Variants in AOPEP observed in about 807,000 individuals in gnomAD.
The protein encoded by AOPEP is aminopeptidase O.
In AOPEP, 77 loss-of-function variants were observed where a neutral mutation model predicts 98.1. The observed-to-expected ratio is 0.78, with a 90% CI of 0.65 to 0.95. AOPEP has a LOEUF of 0.95. Among genes scored for constraint, AOPEP ranks in the 40% least tolerant of loss-of-function variants. The probability of loss-of-function intolerance (pLI) is 0.00; values close to 1 mark genes in which losing one functional copy is unlikely to be tolerated. For missense variants in AOPEP, 1,024 were observed against 1,024.7 expected (o/e 1.00, Z 0.01); for synonymous variants, 346 against 365.3 (o/e 0.95, Z 0.60).
At chr9:94,841,182 TTTTTTTTGAGACGGAGTCTCACTC>T (rs1206432873) in intron 5 of AOPEP, among the ~76,000 whole-genome samples, 1 of 151,258 alleles carries the variant, frequency 6.6e-6, no homozygotes, top group Non-Finnish European at 1.5e-5. Flanking sequence ...TTTTTTTTTT[TTTTTTTTGAGACGGAGTCTCACTC>T]TGTCGCCCAG....
intron 4 of AOPEP, among the ~76,000 whole-genome samples, chr9:94,796,929 T>C (rs937075332): frequency 6.6e-6 from 1 of 152,162 alleles, no homozygotes; most frequent in Non-Finnish European, 1.5e-5. Context: ...GAAACTTGGA[T>C]AAAGTCCAAA....
intron 5 of AOPEP, among the ~76,000 whole-genome samples, chr9:94,823,085 C>A (rs1346617111): frequency 6.6e-6 from 1 of 152,250 alleles, no homozygotes; most frequent in East Asian, 1.9e-4. Context: ...CAACTTCCGC[C>A]TCTTGGGTTC....
the AOPEP span, among the ~76,000 whole-genome samples, chr9:95,134,539 G>A: frequency 8.1e-4 from 124 of 152,340 alleles, 2 homozygotes; most frequent in East Asian, 0.023. Context: ...TGCAGATTAC[G>A]AAAGCTAAAG....
At chr9:94,939,943 T>C (rs1420159650) in intron 7 of AOPEP, among the ~76,000 whole-genome samples, 2 of 152,204 alleles carry the variant, frequency 1.3e-5, no homozygotes, top group African/African-American at 2.4e-5. Flanking sequence ...AACCTGAGGA[T>C]TGGGAGGACC....
chr9:95,029,080 G>A (rs148413072), intron 13 of AOPEP, among the ~76,000 whole-genome samples: 2 of 152,310 alleles, frequency 1.3e-5, no homozygotes, highest in Non-Finnish European at 2.9e-5. Context: ...CTCGTTTGCT[G>A]AAAACTGATT....
chr9:95,136,515 C>G, the AOPEP span, among the ~76,000 whole-genome samples: 1 of 151,908 alleles, frequency 6.6e-6, no homozygotes, highest in African/African-American at 2.4e-5. Context: ...GATGCAAAGT[C>G]GTGCTCTCTC....
chr9:94,812,655 G>GT (rs1394568102), intron 5 of AOPEP, among the ~76,000 whole-genome samples: 1 of 152,122 alleles, frequency 6.6e-6, no homozygotes, highest in Non-Finnish European at 1.5e-5. Context: ...GAGAAGCAGA[G>GT]TAAGGGAGAG....
At chr9:94,812,708 T>A (rs1850873226) in intron 5 of AOPEP, among the ~76,000 whole-genome samples, 1 of 152,196 alleles carries the variant, frequency 6.6e-6, no homozygotes, top group South Asian at 2.1e-4. Context: ...TATGGGTCTC[T>A]GAGCCTTCAA....
chr9:95,044,401 G>A (rs1234965396), intron 13 of AOPEP, among the ~76,000 whole-genome samples: 2 of 151,332 alleles, frequency 1.3e-5, no homozygotes, highest in African/African-American at 2.4e-5. Flanking sequence ...GAGTGAGGGG[G>A]GATTAAAAGT....
chr9:94,768,724 C>T (rs1407272406), intron 2 of AOPEP, among the ~76,000 whole-genome samples: 1 of 152,250 alleles, frequency 6.6e-6, no homozygotes, highest in African/African-American at 2.4e-5. Context: ...ATTCCCACAA[C>T]TCCTGTGCAG....
In AOPEP at chr9:94,743,057, C is replaced by T. The variant is rs370031304; in HGVS notation, c.-136+16306C>T. ...CCACGGCTAAGCCTTGGGAGGCACCCAGTGTTCTGGAGACAGGCATGTAAG... is the reference window on the plus strand; with the variant it reads ...CCACGGCTAAGCCTTGGGAGGCACCTAGTGTTCTGGAGACAGGCATGTAAG... On this transcript the variant is annotated intron_variant, in intron 1 of 16. Coordinates refer to ENST00000375315, the MANE Select transcript of AOPEP (RefSeq NM_001193329.3). Among the ~76,000 whole-genome samples, 92 of 151,996 alleles carry T rather than the reference C, an allele frequency of 6.1e-4. No homozygotes were observed. In the East Asian group the frequency reaches 0.013, roughly 21 times the overall value.
intron 13 of AOPEP, among the ~76,000 whole-genome samples, chr9:95,035,407 T>C (rs1022916513): frequency 6.6e-6 from 1 of 151,860 alleles, no homozygotes; most frequent in African/African-American, 2.4e-5. Flanking sequence ...AAAATCTAAG[T>C]AAAGGTATCT....
intron 11 of AOPEP, 121 bp downstream of exon 11, chr9:94,979,548 G>A: frequency 1.5e-6 from 1 of 653,934 alleles, no homozygotes; most frequent in Non-Finnish European, 2.8e-6. Flanking sequence ...CTTACTGAGT[G>A]CAAGTATCTG....
Position 94,930,539 on chromosome 9 carries a change from A to G in AOPEP, c.1661+2008A>G, listed in dbSNP as rs1374570332. Reference sequence around the variant, plus strand: ...AACACAGTGAAATCCTCAGGGAGAGAGGAAAGTGAGAGAAGAGGTCAGGAG... The same window carrying G: ...AACACAGTGAAATCCTCAGGGAGAGGGGAAAGTGAGAGAAGAGGTCAGGAG... On this transcript the variant is annotated intron_variant, in intron 7 of 16. Transcript: ENST00000375315. This position sits in a 1 kb window ranked among gnomAD's most constrained non-coding sequence, Gnocchi z 4.5. 4.3e-4 allele frequency among the ~76,000 whole-genome samples: 65 copies of G among 152,164 alleles called. No homozygotes were observed. Among genetic ancestry groups the G allele is most frequent in the Admixed American group, 4.2e-3 (64 of 15,284 alleles).
intron 5 of AOPEP, among the ~76,000 whole-genome samples, chr9:94,851,872 G>C (rs1416838363): frequency 6.6e-6 from 1 of 151,140 alleles, no homozygotes; most frequent in Non-Finnish European, 1.5e-5. Flanking sequence ...ATTTGGTATG[G>C]GGTACAGCCC....
At position 94,760,333 on chromosome 9, in the gene AOPEP, A is replaced by G. The variant is rs1441806451; in HGVS notation, c.550A>G (p.Arg184Gly). 1 of 1,614,178 alleles carries G rather than the reference A, an allele frequency of 6.2e-7. No individual in the cohort carries two copies. The highest frequency in any genetic ancestry group is 1.1e-5 in the South Asian group (1 of 91,082). Residue 184 changes from arginine (R) to glycine (G), a missense_variant, in exon 2 of 17, where the codon AGG (arginine) becomes GGG (glycine). Arg to Gly is a moderately radical substitution (Grantham distance 125). This residue lies in a region of AOPEP where 440 missense variants were observed against 433.8 expected (regional missense o/e 1.01). Coordinates refer to ENST00000375315, the MANE Select transcript of AOPEP (RefSeq NM_001193329.3). ...PELTVVSEEF[R>G]NQIVRELVTL... ...GCTCACGGTTGTTTCTGAGGAGTTC[A>G]GGAATCAGATTGTACGTGAACTTGT...
chr9:94,903,252 GGATTACAGGCAT>G (rs2136276358), intron 5 of AOPEP, among the ~76,000 whole-genome samples: 1 of 151,936 alleles, frequency 6.6e-6, no homozygotes, highest in South Asian at 2.1e-4. Flanking sequence ...CAAAGTGCTG[GGATTACAGGCAT>G]GAGGCACCAT....
chr9:94,897,436 TA>T (rs543651054), intron 5 of AOPEP, among the ~76,000 whole-genome samples: 75 of 151,642 alleles, frequency 4.9e-4, no homozygotes, highest in Non-Finnish European at 8.8e-4. Flanking sequence ...AAATATTAAA[TA>T]AAAAAAAGCA....
At chr9:94,891,197 C>G (rs2048838873) in intron 5 of AOPEP, among the ~76,000 whole-genome samples, 1 of 152,176 alleles carries the variant, frequency 6.6e-6, no homozygotes, top group Non-Finnish European at 1.5e-5. Flanking sequence ...CTTTTCTTTG[C>G]TCAGAAGTCT....
Sources: allele counts gnomAD v4.1 joint callset (sites outside exome capture counted in the v4.1 genomes callset), GRCh38; gene constraint gnomAD v4.1.1; regional missense constraint gnomAD v4.1.1; non-coding constraint Gnocchi (gnomAD v3.1); transcripts MANE v1.5; gene names NCBI Gene and HGNC (gene_info 2026-07-23, HGNC 2026-07-21).